AKAP19: variants seen among roughly 807,000 people sequenced by gnomAD.
AKAP19 encodes the protein A-kinase anchoring protein 19, also known as small A-kinase anchoring protein.
At chr2:189,964,308 C>G in the AKAP19 span, among the ~76,000 whole-genome samples, 1 of 152,134 alleles carries the variant, frequency 6.6e-6, no homozygotes, top group Admixed American at 6.6e-5. Flanking sequence ...AACAGATGTA[C>G]TGTTATCAAG....
the AKAP19 span, among the ~76,000 whole-genome samples, chr2:189,988,054 A>G: frequency 6.6e-6 from 1 of 152,094 alleles, no homozygotes; most frequent in Non-Finnish European, 1.5e-5. Context: ...TGGCTCAGGG[A>G]TGAAATCTTA....
the AKAP19 span, among the ~76,000 whole-genome samples, chr2:189,901,633 C>A: frequency 6.6e-6 from 1 of 152,096 alleles, no homozygotes; most frequent in African/African-American, 2.4e-5. Flanking sequence ...TCACCATGCC[C>A]GGCTGCATTT....
the AKAP19 span, chr2:190,189,941 C>T: frequency 6.6e-6 from 1 of 152,224 alleles, no homozygotes; most frequent in South Asian, 2.1e-4. Flanking sequence ...GCAGGCCTCA[C>T]ACTGGAGTCC....
At chr2:189,881,368 T>A in the AKAP19 span, among the ~76,000 whole-genome samples, 1 of 152,180 alleles carries the variant, frequency 6.6e-6, no homozygotes, top group African/African-American at 2.4e-5. Context: ...AAAGGATTGT[T>A]CTCCAAATGA....
the AKAP19 span, among the ~76,000 whole-genome samples, chr2:190,148,237 T>C: frequency 2.0e-5 from 3 of 152,228 alleles, no homozygotes. Context: ...TTTTGTCAAA[T>C]GCTTTTTCTG....
the AKAP19 span, chr2:189,924,145 A>G: frequency 1.2e-6 from 2 of 1,611,930 alleles, no homozygotes; most frequent in Non-Finnish European, 1.7e-6. Context: ...GGAGTTGATC[A>G]AGGATGATGA....
the AKAP19 span, chr2:190,062,361 T>C: frequency 6.2e-7 from 1 of 1,613,480 alleles, no homozygotes; most frequent in South Asian, 1.1e-5. Flanking sequence ...GGGTAAAAGT[T>C]GTCTTATAAC....
chr2:190,196,585 T>G, the AKAP19 span, among the ~76,000 whole-genome samples: 5 of 152,172 alleles, frequency 3.3e-5, no homozygotes, highest in African/African-American at 1.2e-4. Flanking sequence ...GGCTAGTAAT[T>G]TTTTAATTGA....
At chr2:190,084,514 T>G in the AKAP19 span, among the ~76,000 whole-genome samples, 274 of 151,784 alleles carry the variant, frequency 1.8e-3, no homozygotes, top group Non-Finnish European at 2.4e-3. Flanking sequence ...TTATTGACTA[T>G]TTTTTTGAGG....
chr2:190,098,387 G>A, the AKAP19 span, among the ~76,000 whole-genome samples: 8 of 151,994 alleles, frequency 5.3e-5, no homozygotes, highest in South Asian at 2.1e-4. Context: ...TCTGGTCACC[G>A]AAGAGCAATG....
chr2:189,933,333 T>TCTAG, the AKAP19 span, among the ~76,000 whole-genome samples: 1 of 152,184 alleles, frequency 6.6e-6, no homozygotes, highest in Non-Finnish European at 1.5e-5. Context: ...GTACCTAGTG[T>TCTAG]CTAGCATTAT....
chr2:190,091,018 G>T, the AKAP19 span: 1 of 152,096 alleles, frequency 6.6e-6, no homozygotes, highest in Non-Finnish European at 1.5e-5. Context: ...TTGTTTCAAA[G>T]GTGTAAGCCT....
At chr2:189,983,877 C>G in the AKAP19 span, among the ~76,000 whole-genome samples, 1 of 152,170 alleles carries the variant, frequency 6.6e-6, no homozygotes, top group African/African-American at 2.4e-5. Context: ...AATTTTAAAG[C>G]TGGGCATCCA....
chr2:190,012,879 G>T, the AKAP19 span, among the ~76,000 whole-genome samples: 1 of 151,916 alleles, frequency 6.6e-6, no homozygotes, highest in African/African-American at 2.4e-5. Flanking sequence ...TATCATTTTT[G>T]TCCTTTATTC....
At chr2:189,880,944 A>C in the AKAP19 span, among the ~76,000 whole-genome samples, 2 of 152,218 alleles carry the variant, frequency 1.3e-5, no homozygotes, top group South Asian at 4.1e-4. Context: ...GTGGCTAAAA[A>C]TAATCTTGAG....
At chr2:189,996,512 A>C in the AKAP19 span, among the ~76,000 whole-genome samples, 1 of 151,656 alleles carries the variant, frequency 6.6e-6, no homozygotes, top group African/African-American at 2.4e-5. Flanking sequence ...GTTTTTTTAA[A>C]ATTTACTTAA....
At chr2:190,082,402 T>C in the AKAP19 span, among the ~76,000 whole-genome samples, 1 of 152,208 alleles carries the variant, frequency 6.6e-6, no homozygotes, top group Non-Finnish European at 1.5e-5. Flanking sequence ...GCTACAACCC[T>C]TTATGTGAAA....
chr2:190,167,530 C>T, the AKAP19 span, among the ~76,000 whole-genome samples: 1 of 152,142 alleles, frequency 6.6e-6, no homozygotes, highest in Non-Finnish European at 1.5e-5. Context: ...CAAAATGAGA[C>T]TCTGAGACAA....
the AKAP19 span, among the ~76,000 whole-genome samples, chr2:190,193,743 T>G: frequency 6.6e-6 from 1 of 152,184 alleles, no homozygotes; most frequent in Non-Finnish European, 1.5e-5. Context: ...GATGTATCTA[T>G]TAGATCTTTT....
Sources: gnomAD v4.1 joint callset for allele counts (sites outside exome capture counted in the v4.1 genomes callset) on GRCh38, gnomAD v4.1.1 for gene constraint, MANE v1.5 for transcripts, NCBI Gene and HGNC (gene_info 2026-07-23, HGNC 2026-07-21) for gene names.